Variants in TANC1 observed in about 807,000 individuals in gnomAD.
The protein encoded by TANC1 is tetratricopeptide repeat, ankyrin repeat and coiled-coil containing 1.
In TANC1, 77 loss-of-function variants were observed where a neutral mutation model predicts 149.7. The ratio of observed to expected loss-of-function variants is 0.51; its 90% CI spans 0.43 to 0.62. The LOEUF is 0.62. TANC1 is among the 20% of genes least tolerant of loss of function. The probability of loss-of-function intolerance (pLI) is 0.00; values close to 1 mark genes in which losing one functional copy is unlikely to be tolerated. For synonymous variants in TANC1, 854 were observed against 925.0 expected, an observed-to-expected ratio of 0.92 and a Z score of 1.39; for missense variants, 1,985 against 2,321.8, an observed-to-expected ratio of 0.85 and a Z score of 2.98.
chr2:159,067,101 C>T lies in TANC1; in HGVS notation c.61+1130C>T, dbSNP rs544494253. ...TCTGTTTTAAGAAGTATGTTTATTA[C>T]TAAAGCATCATAAAATTATGGTTAA... On this transcript the variant is annotated intron_variant, in intron 3 of 26. Coordinates refer to ENST00000263635, the MANE Select transcript of TANC1 (RefSeq NM_033394.3). Among the ~76,000 whole-genome samples, 4 of 152,236 alleles carry T rather than the reference C, an allele frequency of 2.6e-5. No homozygotes were observed. In the South Asian group the frequency reaches 8.3e-4, roughly 32 times the overall value.
At chr2:159,114,578 T>C (rs1190426394) in intron 4 of TANC1, among the ~76,000 whole-genome samples, 1 of 152,194 alleles carries the variant, frequency 6.6e-6, no homozygotes, top group Non-Finnish European at 1.5e-5. Flanking sequence ...GAGTTCAACA[T>C]GTTTCCCCGA....
rs565076738 is a variant in TANC1 at position 159,204,323 on chromosome 2, T to C, written c.3244+5270T>C. ...CATAAAGACCCAGTGTCCTGATTTCTTGGTGTCCTAGCTCAGACCATGCTC... is the reference window on the plus strand; with the variant it reads ...CATAAAGACCCAGTGTCCTGATTTCCTGGTGTCCTAGCTCAGACCATGCTC... On this transcript the variant is annotated intron_variant, in intron 19 of 26. Coordinates refer to ENST00000263635, the MANE Select transcript of TANC1 (RefSeq NM_033394.3). Among the ~76,000 whole-genome samples the C allele has an allele frequency of 2.3e-3, 343 of 152,376 alleles. 2 individuals are homozygous for C. The highest frequency in any genetic ancestry group is 3.9e-3 in the Non-Finnish European group (267 of 68,042).
At chr2:159,079,451 C>G (rs1559218578) in intron 3 of TANC1, among the ~76,000 whole-genome samples, 1 of 144,578 alleles carries the variant, frequency 6.9e-6, no homozygotes, top group African/African-American at 2.6e-5. Flanking sequence ...GGTCAAAGTA[C>G]TAGCTTAAGA....
At chr2:159,190,213 G>A (rs1279919637) in intron 16 of TANC1, among the ~76,000 whole-genome samples, 1 of 152,188 alleles carries the variant, frequency 6.6e-6, no homozygotes, top group Admixed American at 6.5e-5. Context: ...GGTTAGTTTG[G>A]GGGCTGGCTG....
intron 7 of TANC1, among the ~76,000 whole-genome samples, chr2:159,162,923 G>A (rs1317896949): frequency 7.9e-5 from 12 of 152,118 alleles, no homozygotes; most frequent in African/African-American, 2.9e-4. Flanking sequence ...AGGTTCAAAG[G>A]AATTTAATGA....
At chr2:159,074,017 A>T (rs1481199703) in intron 3 of TANC1, among the ~76,000 whole-genome samples, 3 of 152,230 alleles carry the variant, frequency 2.0e-5, no homozygotes, top group African/African-American at 7.2e-5. Context: ...TCAGGTGACC[A>T]GCTGGGTAGC....
intron 3 of TANC1, among the ~76,000 whole-genome samples, chr2:159,077,597 C>T (rs1029816872): frequency 2.0e-5 from 3 of 152,150 alleles, no homozygotes. Context: ...ACATCTTATT[C>T]TGTAAACTAC....
intron 2 of TANC1, among the ~76,000 whole-genome samples, chr2:159,003,309 G>A (rs2036794144): frequency 6.6e-6 from 1 of 152,210 alleles, no homozygotes; most frequent in South Asian, 2.1e-4. Flanking sequence ...GTTAAGAGAG[G>A]TAGCGAAGTA....
chr2:159,161,980 G>C (rs903068954), intron 7 of TANC1, among the ~76,000 whole-genome samples: 1 of 152,232 alleles, frequency 6.6e-6, no homozygotes, highest in Non-Finnish European at 1.5e-5. Flanking sequence ...TCTAGGGAAG[G>C]CTTCAGCATT....
At chr2:159,020,467 A>G (rs1246040668) in intron 2 of TANC1, among the ~76,000 whole-genome samples, 1 of 152,230 alleles carries the variant, frequency 6.6e-6, no homozygotes. Context: ...TCCTTCAGAA[A>G]AAGTCCCACC....
chr2:159,027,614 T>G (rs778626641), intron 2 of TANC1, among the ~76,000 whole-genome samples: 4 of 152,184 alleles, frequency 2.6e-5, no homozygotes, highest in Non-Finnish European at 5.9e-5. Flanking sequence ...TTATAGCAAT[T>G]ACAGGCTTTT....
chr2:159,230,289 A>C lies in TANC1; in HGVS notation c.4863A>C (p.Pro1621=), dbSNP rs1188321880. ...AGAATGGCCCTGCACACCCTTTACCAAGTAAGACGAAAACCACAGAGAGGC... is the reference window on the plus strand; with the variant it reads ...AGAATGGCCCTGCACACCCTTTACCCAGTAAGACGAAAACCACAGAGAGGC... ...CGENGPAHPL[P]SKTKTTERLL... Residue 1621 remains proline (P), a synonymous_variant, in exon 27 of 27, where the codon CCA becomes CCC. Coordinates refer to ENST00000263635, the MANE Select transcript of TANC1 (RefSeq NM_033394.3). The surrounding 1 kb of genome is among the most constrained non-coding windows in gnomAD (Gnocchi z 4.4). The C allele has an allele frequency of 6.2e-6, 10 of 1,614,010 alleles. No homozygotes were observed. Among genetic ancestry groups the C allele is most frequent in the Non-Finnish European group, 8.5e-6 (10 of 1,180,014 alleles).
intron 2 of TANC1, among the ~76,000 whole-genome samples, chr2:159,046,894 G>C (rs1331743000): frequency 6.6e-6 from 1 of 151,904 alleles, no homozygotes; most frequent in Non-Finnish European, 1.5e-5. Flanking sequence ...CATGAACCAT[G>C]GTGCCCCGCC....
At chr2:159,148,731 G>A (rs2052433861) in intron 5 of TANC1, 1 of 153,730 alleles carries the variant, frequency 6.5e-6, no homozygotes, top group African/African-American at 2.4e-5. Context: ...TAAATAGCCT[G>A]GGTCTCTACC....
At chr2:159,207,725 A>AAAAC (rs1559460731) in intron 19 of TANC1, among the ~76,000 whole-genome samples, 1 of 133,872 alleles carries the variant, frequency 7.5e-6, no homozygotes. Context: ...AAAAAAAAAA[A>AAAAC]AACAACTCAG....
intron 2 of TANC1, among the ~76,000 whole-genome samples, chr2:159,042,310 G>C (rs1187971396): frequency 6.6e-6 from 1 of 152,162 alleles, no homozygotes; most frequent in African/African-American, 2.4e-5. Context: ...TGGCAGTGAA[G>C]CCCGGCAGGA....
chr2:159,126,116 G>A lies in TANC1; in HGVS notation c.260-10078G>A, dbSNP rs564626181. Among the ~76,000 whole-genome samples, 7 of 152,276 alleles carry A rather than the reference G, an allele frequency of 4.6e-5. No homozygotes were observed. In the South Asian group the frequency reaches 1.5e-3, roughly 32 times the overall value. ...ATAATCCAGGATAATCTATTTGAAGGTCATCTAATTAGTATTCTTAATTCC... is the reference window on the plus strand; with the variant it reads ...ATAATCCAGGATAATCTATTTGAAGATCATCTAATTAGTATTCTTAATTCC... On this transcript the variant is annotated intron_variant, in intron 4 of 26. Transcript: ENST00000263635.
intron 5 of TANC1, among the ~76,000 whole-genome samples, chr2:159,139,137 G>C (rs1359954472): frequency 1.3e-5 from 2 of 152,128 alleles, no homozygotes; most frequent in Admixed American, 6.5e-5. Flanking sequence ...GGGGGCCGAG[G>C]TGGGAGGATT....
intron 8 of TANC1, among the ~76,000 whole-genome samples, chr2:159,168,968 T>A (rs1303554627): frequency 2.6e-5 from 4 of 152,164 alleles, no homozygotes; most frequent in Non-Finnish European, 5.9e-5. Flanking sequence ...GATTTCCTCA[T>A]CAAACACTTT....
Sources: allele counts gnomAD v4.1 joint callset (sites outside exome capture counted in the v4.1 genomes callset), GRCh38; gene constraint gnomAD v4.1.1; non-coding constraint Gnocchi (gnomAD v3.1); transcripts MANE v1.5; gene names NCBI Gene and HGNC (gene_info 2026-07-23, HGNC 2026-07-21).